SNTG2: variants seen among roughly 807,000 people sequenced by gnomAD.
SNTG2 encodes gamma-2-syntrophin.
In SNTG2, 74 loss-of-function variants were observed where a neutral mutation model predicts 70.9. The observed-to-expected ratio is 1.04, with a 90% CI of 0.86 to 1.27. The LOEUF (loss-of-function observed/expected upper bound fraction) is 1.27, where lower values mean the gene tolerates loss of function less well. Among genes scored for constraint, SNTG2 ranks in the 50% most tolerant of loss-of-function variants. The pLI, the probability that SNTG2 is intolerant of heterozygous loss-of-function variation, is 0.00. For missense variants in SNTG2, 717 were observed against 690.7 expected (o/e 1.04, Z -0.43); for synonymous variants, 278 against 273.8 (o/e 1.02, Z -0.15).
At chr2:1,099,399 C>T (rs57448640) in intron 4 of SNTG2, among the ~76,000 whole-genome samples, 1,691 of 152,302 alleles carry the variant, frequency 0.011, 26 homozygotes, top group African/African-American at 0.036. Flanking sequence ...CTTCTCTCCA[C>T]GCTCCACCAG....
At chr2:1,151,079 T>C (rs4971477) in intron 6 of SNTG2, among the ~76,000 whole-genome samples, 141,232 of 152,214 alleles carry the variant, frequency 0.93, 65,713 homozygotes, top group Non-Finnish European at 0.97. Flanking sequence ...TGGAAAAGTA[T>C]AGAATATATG....
chr2:1,156,628 G>C (rs544004801), intron 6 of SNTG2, among the ~76,000 whole-genome samples: 5 of 152,330 alleles, frequency 3.3e-5, no homozygotes, highest in Admixed American at 2.6e-4. Context: ...GAGACCTGGA[G>C]TTAAGTCCCT....
At chr2:1,077,938 G>A (rs1558372963) in intron 1 of SNTG2, among the ~76,000 whole-genome samples, 1 of 152,138 alleles carries the variant, frequency 6.6e-6, no homozygotes. Context: ...GCTGACGCGG[G>A]TTCACGGCCC....
intron 15 of SNTG2, 127 bp from the exon 16 acceptor site, chr2:1,316,138 T>G: frequency 1.7e-6 from 1 of 583,302 alleles, no homozygotes; most frequent in Non-Finnish European, 3.0e-6. Flanking sequence ...CATCACATGC[T>G]AAACGTCGAT....
At chr2:1,310,717 C>T (rs1259552953) in intron 15 of SNTG2, among the ~76,000 whole-genome samples, 3 of 152,150 alleles carry the variant, frequency 2.0e-5, no homozygotes, top group African/African-American at 4.8e-5. Context: ...ATTTCCCTGG[C>T]GTGGTCAATG....
chr2:1,169,345 C>G (rs1670969323), intron 7 of SNTG2, among the ~76,000 whole-genome samples: 1 of 152,098 alleles, frequency 6.6e-6, no homozygotes, highest in Non-Finnish European at 1.5e-5. Flanking sequence ...TTCCTGACTT[C>G]TCTCTCAGGC....
chr2:1,144,984 A>G (rs28805423), intron 6 of SNTG2, among the ~76,000 whole-genome samples: 16,138 of 152,318 alleles, frequency 0.11, 1,095 homozygotes, highest in Non-Finnish European at 0.15. Flanking sequence ...CACACTGGTC[A>G]AAGAAGAAAT....
chr2:1,313,585 G>A (rs184000222), intron 15 of SNTG2, among the ~76,000 whole-genome samples: 12 of 152,344 alleles, frequency 7.9e-5, no homozygotes, highest in African/African-American at 2.9e-4. Context: ...GGAAAAACAA[G>A]TTCCTTTTCT....
At chr2:1,288,692 T>A (rs1411552962) in intron 14 of SNTG2, among the ~76,000 whole-genome samples, 1 of 152,180 alleles carries the variant, frequency 6.6e-6, no homozygotes. Context: ...GCATATGCAC[T>A]TATATGTATG....
intron 9 of SNTG2, among the ~76,000 whole-genome samples, chr2:1,224,585 G>T (rs1291412391): frequency 5.9e-5 from 9 of 152,206 alleles, no homozygotes; most frequent in Non-Finnish European, 1.3e-4. Flanking sequence ...GATGCCGCGT[G>T]CCCAGCGTGG....
intron 2 of SNTG2, among the ~76,000 whole-genome samples, chr2:1,086,710 A>G (rs1456934610): frequency 1.3e-5 from 2 of 152,234 alleles, no homozygotes; most frequent in Non-Finnish European, 2.9e-5. Flanking sequence ...CTCACTGACA[A>G]TTCAGGTTAA....
At chr2:1,130,469 A>G (rs1424624038) in intron 4 of SNTG2, among the ~76,000 whole-genome samples, 1 of 152,196 alleles carries the variant, frequency 6.6e-6, no homozygotes, top group African/African-American at 2.4e-5. Context: ...AAAATTCAAA[A>G]AGAACTGTAA....
At position 1,313,028 on chromosome 2, in the gene SNTG2, G is replaced by A. The variant is rs148292566; in HGVS notation, c.1378-3237G>A. 4.2e-3 allele frequency among the ~76,000 whole-genome samples: 643 copies of A among 152,302 alleles called. 4 individuals are homozygous for A. The highest frequency in any genetic ancestry group is 0.015 in the African/African-American group (609 of 41,568). ...CCTTGTCATGGAGTTGCCTGGTACTGCCTGTGGCATCTCCACCGTGAAGGA... is the reference window on the plus strand; with the variant it reads ...CCTTGTCATGGAGTTGCCTGGTACTACCTGTGGCATCTCCACCGTGAAGGA... On this transcript the variant is annotated intron_variant, in intron 15 of 16. Coordinates refer to ENST00000308624, the MANE Select transcript of SNTG2 (RefSeq NM_018968.4).
At chr2:1,365,409 G>T (rs1661423881) in intron 16 of SNTG2, among the ~76,000 whole-genome samples, 1 of 152,184 alleles carries the variant, frequency 6.6e-6, no homozygotes, top group African/African-American at 2.4e-5. Context: ...CACATGCATA[G>T]GAAGGAACTT....
chr2:1,352,941 A>G (rs1287301265), intron 16 of SNTG2, among the ~76,000 whole-genome samples: 2 of 152,138 alleles, frequency 1.3e-5, no homozygotes, highest in Non-Finnish European at 1.5e-5. Flanking sequence ...TACCATTCTC[A>G]TCAGCCACCT....
At chr2:1,155,010 C>T in intron 6 of SNTG2, among the ~76,000 whole-genome samples, 1 of 78,978 alleles carries the variant, frequency 1.3e-5, no homozygotes, top group African/African-American at 3.0e-5. Context: ...ACACAAACAA[C>T]ACATAGTCAT....
At chr2:955,878 C>G (rs909020147) in intron 1 of SNTG2, among the ~76,000 whole-genome samples, 21 of 152,168 alleles carry the variant, frequency 1.4e-4, no homozygotes, top group African/African-American at 5.1e-4. Flanking sequence ...TCCCAGCTAC[C>G]CTCCTTTTAG....
intron 16 of SNTG2, among the ~76,000 whole-genome samples, chr2:1,358,292 T>TG (rs1188398745): frequency 6.6e-6 from 1 of 152,144 alleles, no homozygotes; most frequent in African/African-American, 2.4e-5. Flanking sequence ...TAAATATTGC[T>TG]GATCTTTTCA....
At chr2:1,048,084 T>C (rs1225287758) in intron 1 of SNTG2, among the ~76,000 whole-genome samples, 2 of 152,218 alleles carry the variant, frequency 1.3e-5, no homozygotes, top group East Asian at 3.8e-4. Flanking sequence ...TGTATAAATT[T>C]ATTCCTTATA....
Sources: allele counts gnomAD v4.1 joint callset (sites outside exome capture counted in the v4.1 genomes callset), GRCh38; gene constraint gnomAD v4.1.1; transcripts MANE v1.5; gene names NCBI Gene and HGNC (gene_info 2026-07-23, HGNC 2026-07-21).